The following PTPN13 variants were observed in gnomAD, a reference collection of about 807,000 sequenced individuals.
PTPN13 encodes the protein protein tyrosine phosphatase non-receptor type 13, also known as tyrosine-protein phosphatase non-receptor type 13.
A neutral mutation model predicts 284.0 loss-of-function variants in PTPN13; 191 were observed. That is an observed-to-expected ratio of 0.67 (90% CI 0.60 to 0.76). The LOEUF (loss-of-function observed/expected upper bound fraction) is 0.76. Ranked by LOEUF, PTPN13 falls within the 30% of genes least tolerant of loss-of-function variation. PTPN13 has a pLI of 0.00. For missense variants in PTPN13, 2,797 were observed against 2,939.9 expected, an observed-to-expected ratio of 0.95 and a Z score of 1.12; for synonymous variants, 986 against 1,022.3, an observed-to-expected ratio of 0.96 and a Z score of 0.68.
chr4:86,736,353 C>A (rs535620895), intron 15 of PTPN13, among the ~76,000 whole-genome samples: 1 of 152,140 alleles, frequency 6.6e-6, no homozygotes. Context: ...ATGCAAATAG[C>A]AAATATAAGA....
At chr4:86,670,171 CTTT>C (rs201314867) in intron 2 of PTPN13, among the ~76,000 whole-genome samples, 13 of 110,222 alleles carry the variant, frequency 1.2e-4, no homozygotes, top group Non-Finnish European at 1.5e-4. Context: ...TATCTTAATT[CTTT>C]TTTTTTTTTT....
intron 25 of PTPN13, 54 bp from the exon 26 acceptor site, chr4:86,765,341 G>T: frequency 7.1e-7 from 1 of 1,407,060 alleles, no homozygotes; most frequent in Non-Finnish European, 9.8e-7. Context: ...AGATTTGAAA[G>T]AGAGTGCAAA....
intron 1 of PTPN13, among the ~76,000 whole-genome samples, chr4:86,625,468 C>T (rs543323150): frequency 6.6e-6 from 1 of 152,180 alleles, no homozygotes; most frequent in South Asian, 2.1e-4. Flanking sequence ...TCCCATGGCA[C>T]TTTGAACCAT....
chr4:86,602,040 T>C (rs1764337523), intron 1 of PTPN13, among the ~76,000 whole-genome samples: 1 of 152,190 alleles, frequency 6.6e-6, no homozygotes, highest in Non-Finnish European at 1.5e-5. Context: ...GGATGTATTG[T>C]ACAGAGTGGC....
At chr4:86,716,669 GATT>G in intron 8 of PTPN13, 44 bp downstream of exon 8, 4 of 1,220,200 alleles carry the variant, frequency 3.3e-6, no homozygotes, top group South Asian at 1.4e-5. Flanking sequence ...AAGAAACCAC[GATT>G]ATTATTATTT....
intron 16 of PTPN13, among the ~76,000 whole-genome samples, chr4:86,744,452 C>A (rs778696414): frequency 9.9e-5 from 15 of 152,240 alleles, no homozygotes; most frequent in Non-Finnish European, 1.9e-4. Flanking sequence ...CTGATATATA[C>A]AATCTAGATT....
chr4:86,642,522 G>A (rs143520727), intron 2 of PTPN13, among the ~76,000 whole-genome samples: 57 of 138,184 alleles, frequency 4.1e-4, no homozygotes, highest in Non-Finnish European at 7.5e-4. Context: ...GTGCAATCTC[G>A]GCTCACTGCA....
chr4:86,596,707 G>C (rs1372675879), intron 1 of PTPN13, among the ~76,000 whole-genome samples: 1 of 152,098 alleles, frequency 6.6e-6, no homozygotes, highest in Non-Finnish European at 1.5e-5. Context: ...AGCTTCTCCC[G>C]TATCAATGGG....
At chr4:86,701,832 A>C (rs1282227809) in intron 7 of PTPN13, 31 bp downstream of exon 7, 1 of 1,532,864 alleles carries the variant, frequency 6.5e-7, no homozygotes, top group Admixed American at 2.1e-5. Context: ...TTGAGAAAGA[A>C]TTGAAGTATT....
intron 3 of PTPN13, 63 bp downstream of exon 3, chr4:86,672,606 T>C: frequency 7.8e-7 from 1 of 1,287,828 alleles, no homozygotes; most frequent in African/African-American, 1.5e-5. Flanking sequence ...ATAAAGACAA[T>C]GGGCTACCAT....
intron 40 of PTPN13, 117 bp from the exon 41 acceptor site, chr4:86,796,757 T>C (rs1743385950): frequency 1.5e-6 from 1 of 669,820 alleles, no homozygotes; most frequent in African/African-American, 1.8e-5. Flanking sequence ...TATGTGTCTT[T>C]GTAATATAAG....
chr4:86,758,953 A>G lies in PTPN13; in HGVS notation c.3433A>G (p.Ile1145Val). Reference protein sequence around the residue: ...DGCLKPGDRLISVNSVSLEGV... With the variant: ...DGCLKPGDRLVSVNSVSLEGV... ...GTCTATTTGTACAGGAGACCGTTTG[A>G]TATCTGTGAATAGTGTGAGTCTGGA... Residue 1145 changes from isoleucine (I) to valine (V), a missense_variant, in exon 23 of 48, where the codon ATA (isoleucine) becomes GTA (valine). Coordinates refer to ENST00000411767, the MANE Select transcript of PTPN13 (RefSeq NM_080683.3). 2 of 1,613,048 alleles carry G rather than the reference A, an allele frequency of 1.2e-6. No homozygotes were observed. Among genetic ancestry groups the G allele is most frequent in the Middle Eastern group, 1.7e-4 (1 of 6,046 alleles).
intron 8 of PTPN13, 119 bp from the exon 9 acceptor site, chr4:86,716,905 A>G (rs907093894): frequency 4.3e-6 from 3 of 697,938 alleles, no homozygotes; most frequent in Non-Finnish European, 7.1e-6. Context: ...TATGTCATTA[A>G]TTTTGTTCTG....
rs776427637 is a variant in PTPN13 at position 86,672,384 on chromosome 4, T to C, written c.135T>C (p.Ala45=). ...LFRKVSLADP[A]ALGFIISPWS... ...AACCAGTAAGCCTAGCTGATCCTGC[T>C]GCCCTTGGCTTCATCATTTCTCCAT... is the stretch of plus-strand genomic sequence containing the variant. The change falls in exon 3 of 48, where the codon GCT becomes GCC. Residue 45 remains alanine (A), a synonymous_variant. Transcript: ENST00000411767. The C allele has an allele frequency of 8.3e-5, 128 of 1,551,264 alleles. 1 individual carries two copies. The Middle Eastern group carries it at 1.0e-3, about 12-fold the overall frequency.
intron 45 of PTPN13, among the ~76,000 whole-genome samples, 155 bp from the exon 46 acceptor site, chr4:86,809,614 C>T (rs1486610326): frequency 6.6e-6 from 1 of 152,134 alleles, no homozygotes; most frequent in Non-Finnish European, 1.5e-5. Flanking sequence ...TCGCTTGAAC[C>T]TGGGAGGCGG....
chr4:86,596,027 C>T (rs1578218152), intron 1 of PTPN13, among the ~76,000 whole-genome samples: 1 of 152,080 alleles, frequency 6.6e-6, no homozygotes, highest in Non-Finnish European at 1.5e-5. Context: ...TTAGTAAATT[C>T]ATACATATAT....
At chr4:86,629,018 A>C (rs1722166291) in intron 1 of PTPN13, among the ~76,000 whole-genome samples, 1 of 152,116 alleles carries the variant, frequency 6.6e-6, no homozygotes, top group Non-Finnish European at 1.5e-5. Context: ...GTATATACCC[A>C]GTCAGGACAT....
intron 2 of PTPN13, among the ~76,000 whole-genome samples, chr4:86,647,623 A>G (rs1477932827): frequency 1.3e-5 from 2 of 152,144 alleles, no homozygotes; most frequent in Admixed American, 1.3e-4. Context: ...GTGTTCCTCA[A>G]ACATTCATGA....
At chr4:86,680,395 ATCTATC>A (rs1554306600) in intron 3 of PTPN13, among the ~76,000 whole-genome samples, 22 of 135,310 alleles carry the variant, frequency 1.6e-4, no homozygotes, top group African/African-American at 4.4e-4. Context: ...CTATCTATCT[ATCTATC>A]TCTATCTCTA....
Sources: allele counts gnomAD v4.1 joint callset (sites outside exome capture counted in the v4.1 genomes callset), GRCh38; gene constraint gnomAD v4.1.1; transcripts MANE v1.5; gene names NCBI Gene and HGNC (gene_info 2026-07-23, HGNC 2026-07-21).